FTO: variants seen among roughly 807,000 people sequenced by gnomAD.
The protein encoded by FTO is FTO alpha-ketoglutarate dependent dioxygenase.
Under a neutral mutation model 63.9 loss-of-function variants are expected in FTO, and 47 were observed. The observed-to-expected ratio is 0.74, with a 90% CI of 0.58 to 0.94. The LOEUF is 0.94. FTO is among the 40% of genes least tolerant of loss of function. The probability of loss-of-function intolerance (pLI) is 0.00; values close to 1 mark genes in which losing one functional copy is unlikely to be tolerated. For synonymous variants in FTO, 207 were observed against 224.4 expected (o/e 0.92, Z 0.69); for missense variants, 562 against 618.1 (o/e 0.91, Z 0.96).
At chr16:54,074,190 T>G (rs1483743738) in intron 8 of FTO, among the ~76,000 whole-genome samples, 1 of 152,182 alleles carries the variant, frequency 6.6e-6, no homozygotes, top group South Asian at 2.1e-4. Flanking sequence ...TTTACTTATA[T>G]CTAAGGTTAC....
intron 3 of FTO, among the ~76,000 whole-genome samples, chr16:53,835,728 T>A (rs2079270694): frequency 6.6e-6 from 1 of 152,170 alleles, no homozygotes. Flanking sequence ...TTGTTAGTTA[T>A]TTCTTCCTCT....
chr16:54,053,975 C>T (rs1262924567), intron 8 of FTO, among the ~76,000 whole-genome samples: 4 of 152,086 alleles, frequency 2.6e-5, no homozygotes, highest in African/African-American at 9.7e-5. Context: ...CTTTTGGCTC[C>T]TGCAGCTCCG....
At chr16:54,088,765 T>C (rs1189834105) in intron 8 of FTO, among the ~76,000 whole-genome samples, 2 of 152,218 alleles carry the variant, frequency 1.3e-5, no homozygotes, top group Non-Finnish European at 2.9e-5. Context: ...GTTATACAGA[T>C]CAGACCATGT....
rs187451408 is a variant in FTO at position 53,729,656 on chromosome 16, C to T, written c.45+25427C>T. Among the ~76,000 whole-genome samples, 24 of 151,834 alleles carry T rather than the reference C, an allele frequency of 1.6e-4. No homozygotes were observed. The East Asian group carries it at 4.3e-3, about 27-fold the overall frequency. On this transcript the variant is annotated intron_variant, in intron 1 of 8. Coordinates refer to ENST00000471389, the MANE Select transcript of FTO (RefSeq NM_001080432.3). ...ATTTATTGTCAGCTGGTAACCACGC[C>T]CCCAACCCCCAGCTTTCACCCCCAT...
At chr16:54,057,578 C>T (rs1447726078) in intron 8 of FTO, among the ~76,000 whole-genome samples, 1 of 152,144 alleles carries the variant, frequency 6.6e-6, no homozygotes, top group Non-Finnish European at 1.5e-5. Context: ...ATTCTCCCAC[C>T]TCAGCATCCC....
rs531490613 is a variant in FTO, at chr16:53,892,613, C to T, written c.1239+3662C>T. Among the ~76,000 whole-genome samples, 82 of 151,970 alleles carry T rather than the reference C, an allele frequency of 5.4e-4. 1 individual carries two copies. The highest frequency in any genetic ancestry group is 1.7e-3 in the African/African-American group (71 of 41,448). ...CTTTTTTTTGAATTGTAAAATCGTGCGTGTTGTGGAAGGATTTCTTTAAAT... is the reference window on the plus strand; with the variant it reads ...CTTTTTTTTGAATTGTAAAATCGTGTGTGTTGTGGAAGGATTTCTTTAAAT... On this transcript the variant is annotated intron_variant, in intron 7 of 8. Transcript: ENST00000471389.
intron 4 of FTO, 79 bp downstream of exon 4, chr16:53,844,377 C>G: frequency 8.8e-7 from 1 of 1,138,212 alleles, no homozygotes; most frequent in African/African-American, 1.5e-5. Context: ...TTGAGTATGT[C>G]TTATGAAATA....
At chr16:53,744,226 G>A (rs2076595963) in intron 1 of FTO, among the ~76,000 whole-genome samples, 1 of 152,144 alleles carries the variant, frequency 6.6e-6, no homozygotes, top group African/African-American at 2.4e-5. Flanking sequence ...TCATAGAATG[G>A]AACATTCTTC....
At chr16:53,720,996 C>T (rs1315668580) in intron 1 of FTO, among the ~76,000 whole-genome samples, 7 of 152,032 alleles carry the variant, frequency 4.6e-5, no homozygotes, top group Non-Finnish European at 1.0e-4. Context: ...CACTATGTTG[C>T]TCAGGCTGGT....
chr16:53,843,324 G>C (rs2079527198), intron 3 of FTO, among the ~76,000 whole-genome samples: 1 of 152,166 alleles, frequency 6.6e-6, no homozygotes, highest in South Asian at 2.1e-4. Context: ...CCTCTACAGA[G>C]AGTGTGAGTG....
intron 6 of FTO, among the ~76,000 whole-genome samples, chr16:53,884,225 G>C (rs1354879167): frequency 6.6e-6 from 1 of 152,162 alleles, no homozygotes; most frequent in Non-Finnish European, 1.5e-5. Flanking sequence ...AAAGGTTCTT[G>C]TTTAATTATA....
rs1383635062 is a variant in FTO at position 53,989,926 on chromosome 16, G to A, written c.1364+55817G>A. Reference sequence around the variant, plus strand: ...ATGATCCACTTCCACTTAATGAATAGTAAATACATTTTCTCTTCTTCGTGA... The same window carrying A: ...ATGATCCACTTCCACTTAATGAATAATAAATACATTTTCTCTTCTTCGTGA... On this transcript the variant is annotated intron_variant, in intron 8 of 8. Transcript: ENST00000471389. 2.0e-5 allele frequency among the ~76,000 whole-genome samples: 3 copies of A among 151,648 alleles called. No homozygotes were observed. The East Asian group carries it at 5.8e-4, about 30-fold the overall frequency.
chr16:53,772,860 A>G (rs2077369945), intron 1 of FTO, among the ~76,000 whole-genome samples: 1 of 152,110 alleles, frequency 6.6e-6, no homozygotes, highest in Non-Finnish European at 1.5e-5. Flanking sequence ...TACTTTTTAA[A>G]CCATTAGCAT....
intron 8 of FTO, among the ~76,000 whole-genome samples, chr16:54,101,081 G>A (rs12931414): frequency 0.18 from 27,288 of 151,652 alleles, 2,552 homozygotes; most frequent in Admixed American, 0.21. Flanking sequence ...TCACCCCATA[G>A]AGCCTTTACC....
chr16:53,964,481 G>A (rs1375195495), intron 8 of FTO, among the ~76,000 whole-genome samples: 1 of 152,114 alleles, frequency 6.6e-6, no homozygotes. Flanking sequence ...GTAAATTGCT[G>A]GTGAGAGAGA....
intron 4 of FTO, among the ~76,000 whole-genome samples, chr16:53,846,801 C>CAAA (rs55982417): frequency 9.4e-6 from 1 of 106,874 alleles, no homozygotes; most frequent in Non-Finnish European, 2.0e-5. Context: ...GACTCAGTCT[C>CAAA]AAAAAAAAAA....
chr16:53,774,227 T>C (rs972829346), intron 1 of FTO, among the ~76,000 whole-genome samples: 4 of 152,184 alleles, frequency 2.6e-5, no homozygotes, highest in Non-Finnish European at 5.9e-5. Context: ...GTGCTTTGAT[T>C]CTCTCATTTC....
At chr16:53,806,842 A>G (rs1431827011) in intron 1 of FTO, among the ~76,000 whole-genome samples, 3 of 152,210 alleles carry the variant, frequency 2.0e-5, no homozygotes, top group Admixed American at 6.5e-5. Context: ...ACTGGCTCAC[A>G]TGGGAAATGC....
At chr16:54,106,237 C>T (rs146109245) in intron 8 of FTO, among the ~76,000 whole-genome samples, 4 of 152,118 alleles carry the variant, frequency 2.6e-5, no homozygotes, top group South Asian at 2.1e-4. Flanking sequence ...CGGGCAGTGA[C>T]GCCCTTCATG....
Sources: gnomAD v4.1 joint callset for allele counts (sites outside exome capture counted in the v4.1 genomes callset) on GRCh38, gnomAD v4.1.1 for gene constraint, MANE v1.5 for transcripts, NCBI Gene and HGNC (gene_info 2026-07-23, HGNC 2026-07-21) for gene names.